PDE8B: variants seen among roughly 807,000 people sequenced by gnomAD.
PDE8B encodes high affinity cAMP-specific and IBMX-insensitive 3',5'-cyclic phosphodiesterase 8B.
In PDE8B, 26 loss-of-function variants were observed where a neutral mutation model predicts 101.3. That is an observed-to-expected ratio of 0.26 (90% CI 0.19 to 0.36). The LOEUF (loss-of-function observed/expected upper bound fraction) is 0.36. PDE8B is among the 10% of genes least tolerant of loss of function. The pLI is 1.00. For missense variants in PDE8B, 810 were observed against 1,163.1 expected, an observed-to-expected ratio of 0.70 and a Z score of 4.42; for synonymous variants, 424 against 429.3, an observed-to-expected ratio of 0.99 and a Z score of 0.15.
the PDE8B span, chr5:77,147,657 T>A: frequency 2.6e-5 from 4 of 152,208 alleles, no homozygotes. Flanking sequence ...TCCAGGAGAT[T>A]CTCTCTCCCT....
chr5:77,397,025 A>ATTTTTTT (rs1442227537), intron 10 of PDE8B, among the ~76,000 whole-genome samples: 1 of 91,560 alleles, frequency 1.1e-5, no homozygotes, highest in African/African-American at 6.1e-5. Context: ...TCCGATAAGA[A>ATTTTTTT]ATTTTTTTTT....
intron 17 of PDE8B, among the ~76,000 whole-genome samples, chr5:77,418,025 G>C (rs1291724283): frequency 2.0e-5 from 3 of 152,174 alleles, no homozygotes; most frequent in African/African-American, 7.2e-5. Context: ...TGTGGCTCAG[G>C]TTGCCCTCCA....
the PDE8B span, among the ~76,000 whole-genome samples, chr5:77,130,369 T>C: frequency 2.0e-5 from 3 of 152,160 alleles, no homozygotes; most frequent in African/African-American, 7.2e-5. Context: ...ATAAAGACGT[T>C]AGTTCTCCTT....
chr5:77,208,273 C>A (rs1747666591), upstream of PDE8B, among the ~76,000 whole-genome samples: 1 of 152,056 alleles, frequency 6.6e-6, no homozygotes, highest in South Asian at 2.1e-4. Context: ...TCATTGCATT[C>A]CTAGAGAAAA....
intron 1 of PDE8B, among the ~76,000 whole-genome samples, chr5:77,230,250 C>T (rs1424695746): frequency 6.6e-6 from 1 of 152,216 alleles, no homozygotes; most frequent in African/African-American, 2.4e-5. Context: ...ACTTGGGTTT[C>T]AGTTCTCTGC....
chr5:77,289,187 A>C (rs1478426820), intron 1 of PDE8B, among the ~76,000 whole-genome samples: 4 of 152,198 alleles, frequency 2.6e-5, no homozygotes, highest in Non-Finnish European at 5.9e-5. Context: ...ATTCTCTAAA[A>C]GGTTTTGAAA....
chr5:77,131,382 T>A, the PDE8B span, among the ~76,000 whole-genome samples: 3 of 152,340 alleles, frequency 2.0e-5, no homozygotes, highest in South Asian at 6.2e-4. Flanking sequence ...GCTTGCCCTC[T>A]TTCCACCCAC....
intron 1 of PDE8B, chr5:77,290,192 C>A: frequency 6.6e-7 from 1 of 1,522,428 alleles, no homozygotes; most frequent in Non-Finnish European, 8.9e-7. Context: ...TGATGTGGCG[C>A]CTGCCTCGCG....
rs200085528 is a variant in PDE8B at position 77,401,650 on chromosome 5, CT to C, written c.1210+1361del. On this transcript the variant is annotated intron_variant, in intron 11 of 21. Coordinates refer to ENST00000264917, the MANE Select transcript of PDE8B (RefSeq NM_003719.5). ...CACAATGCCTGTCACAAAGTAGGCA[CT>C]CAGTAAGTGGAGCTATTTTTTTTTT... is the stretch of plus-strand genomic sequence containing the variant. Among the ~76,000 whole-genome samples the C allele has an allele frequency of 1.6e-4, 24 of 152,084 alleles. No homozygotes were observed. In the East Asian group the frequency reaches 4.4e-3, roughly 28 times the overall value.
intron 1 of PDE8B, among the ~76,000 whole-genome samples, chr5:77,238,646 G>T (rs1193581758): frequency 1.3e-5 from 2 of 152,200 alleles, no homozygotes; most frequent in Non-Finnish European, 2.9e-5. Flanking sequence ...CAAGGAATTG[G>T]CTCATGTAGT....
chr5:77,383,659 A>G (rs1581385243), intron 10 of PDE8B, among the ~76,000 whole-genome samples: 1 of 144,176 alleles, frequency 6.9e-6, no homozygotes, highest in Non-Finnish European at 1.5e-5. Context: ...ATTTTTGTAT[A>G]AAGTGTAAGG....
chr5:77,212,715 C>T (rs1196590836), intron 1 of PDE8B, among the ~76,000 whole-genome samples: 1 of 152,166 alleles, frequency 6.6e-6, no homozygotes, highest in Non-Finnish European at 1.5e-5. Context: ...GAGGCATGTG[C>T]TGAACGCTAT....
the PDE8B span, among the ~76,000 whole-genome samples, chr5:77,101,098 C>A: frequency 1.3e-5 from 2 of 149,240 alleles, no homozygotes; most frequent in African/African-American, 4.9e-5. Context: ...GCCTCCCTAG[C>A]AGGTGGGACC....
intron 10 of PDE8B, among the ~76,000 whole-genome samples, chr5:77,389,625 C>A (rs1258952928): frequency 1.3e-5 from 2 of 152,114 alleles, no homozygotes; most frequent in African/African-American, 4.8e-5. Context: ...CCCTTCATGC[C>A]CCTTCACAGT....
chr5:77,212,710 A>G (rs909090943), intron 1 of PDE8B, among the ~76,000 whole-genome samples: 18 of 152,188 alleles, frequency 1.2e-4, no homozygotes, highest in Non-Finnish European at 1.0e-4. Context: ...TTACAGAGGC[A>G]TGTGCTGAAC....
chr5:77,125,688 TAACTA>T, the PDE8B span, among the ~76,000 whole-genome samples: 1 of 152,218 alleles, frequency 6.6e-6, no homozygotes, highest in Non-Finnish European at 1.5e-5. Context: ...AACATTATGC[TAACTA>T]AACTAACCAC....
At chr5:77,310,630 A>C (rs1051765728) in intron 1 of PDE8B, among the ~76,000 whole-genome samples, 1 of 152,174 alleles carries the variant, frequency 6.6e-6, no homozygotes, top group African/African-American at 2.4e-5. Context: ...GAGTGGACCC[A>C]TGGTTGAGGA....
At chr5:77,193,700 G>T in the PDE8B span, among the ~76,000 whole-genome samples, 1 of 152,112 alleles carries the variant, frequency 6.6e-6, no homozygotes, top group Non-Finnish European at 1.5e-5. Context: ...AATTTTTACA[G>T]ATATAAACCT....
intron 6 of PDE8B, among the ~76,000 whole-genome samples, chr5:77,338,504 T>C (rs1778591468): frequency 6.6e-6 from 1 of 152,184 alleles, no homozygotes; most frequent in African/African-American, 2.4e-5. Context: ...TTAACAGCCC[T>C]TGGTAAGAAA....
Sources: allele counts gnomAD v4.1 joint callset (sites outside exome capture counted in the v4.1 genomes callset), GRCh38; gene constraint gnomAD v4.1.1; transcripts MANE v1.5; gene names NCBI Gene and HGNC (gene_info 2026-07-23, HGNC 2026-07-21).